The following PPP4R4 variants were observed in gnomAD, a reference collection of about 807,000 sequenced individuals.
PPP4R4 encodes serine/threonine-protein phosphatase 4 regulatory subunit 4.
In PPP4R4, 70 loss-of-function variants were observed where a neutral mutation model predicts 121.8. The ratio of observed to expected loss-of-function variants is 0.57; its 90% confidence interval spans 0.47 to 0.70. The LOEUF (loss-of-function observed/expected upper bound fraction) is 0.70. Among genes scored for constraint, PPP4R4 ranks in the 30% least tolerant of loss-of-function variants. PPP4R4 has a pLI of 0.00. For synonymous variants in PPP4R4, 348 were observed against 355.7 expected (o/e 0.98, Z 0.24); for missense variants, 875 against 1,033.6 (o/e 0.85, Z 2.10).
chr14:94,188,709 T>C (rs779329997), intron 2 of PPP4R4, among the ~76,000 whole-genome samples: 3 of 152,160 alleles, frequency 2.0e-5, no homozygotes, highest in Non-Finnish European at 2.9e-5. Flanking sequence ...TGAAATTTGC[T>C]AAGAGAGTAG....
intron 2 of PPP4R4, among the ~76,000 whole-genome samples, chr14:94,186,480 A>G (rs985183527): frequency 2.6e-5 from 4 of 152,190 alleles, no homozygotes; most frequent in Non-Finnish European, 5.9e-5. Flanking sequence ...TGGGTATAAC[A>G]CATCTTGTTT....
chr14:94,230,131 A>G (rs1361613282), intron 3 of PPP4R4, among the ~76,000 whole-genome samples: 2 of 152,298 alleles, frequency 1.3e-5, no homozygotes, highest in East Asian at 3.9e-4. Context: ...CATACTCTTA[A>G]GTGTATTCTT....
chr14:94,271,404 A>T (rs1329831575), intron 23 of PPP4R4, among the ~76,000 whole-genome samples: 2 of 152,224 alleles, frequency 1.3e-5, no homozygotes, highest in Non-Finnish European at 2.9e-5. Context: ...CAGGCCAAGG[A>T]AGAAAAATCA....
At position 94,256,589 on chromosome 14, in the gene PPP4R4, GGC is replaced by G; in HGVS notation, c.1996_1997del (p.Ala666TyrfsTer25). 1 of 1,605,328 alleles carries G rather than the reference GGC, an allele frequency of 6.2e-7. No individual in the cohort carries two copies. Among genetic ancestry groups the G allele is most frequent in the Non-Finnish European group, 8.5e-7 (1 of 1,174,610 alleles). Reference sequence around the variant, plus strand: ...GTCAAGAAAAAGATAAAGATGTTCTGGCTATTGTAAAAAGAGTAAGTATCACT... The same window carrying G: ...GTCAAGAAAAAGATAAAGATGTTCTGTATTGTAAAAAGAGTAAGTATCACT... ...LCQEKDKDVLAIVKRTVLELD... is the reference protein window; with the variant it reads ...LCQEKDKDVLXIVKRTVLELD... On this transcript the variant is annotated frameshift_variant, in exon 17 of 25. Coordinates refer to ENST00000304338, the MANE Select transcript of PPP4R4 (RefSeq NM_058237.2). LOFTEE classifies it high-confidence loss of function.
rs1016374564 is a variant in PPP4R4, at chr14:94,266,712, C to T, written c.2379-247C>T. Among the ~76,000 whole-genome samples the T allele has an allele frequency of 3.1e-4, 47 of 151,966 alleles. 1 individual carries two copies. Among genetic ancestry groups the T allele is most frequent in the Admixed American group, 3.0e-3 (46 of 15,262 alleles). On this transcript the variant is annotated intron_variant, in intron 22 of 24. Coordinates refer to ENST00000304338, the MANE Select transcript of PPP4R4 (RefSeq NM_058237.2). ...AAGAAAATTTTACCCATTTTAGCTG[C>T]CTTGCTTGAACCTCAAAAGAAAAAC...
At chr14:94,255,828 A>G (rs570443736) in intron 16 of PPP4R4, among the ~76,000 whole-genome samples, 2 of 152,254 alleles carry the variant, frequency 1.3e-5, no homozygotes, top group South Asian at 4.1e-4. Context: ...AAAACCTACC[A>G]ATGGCTTCTT....
intron 16 of PPP4R4, among the ~76,000 whole-genome samples, chr14:94,253,067 C>T (rs1893274964): frequency 6.6e-6 from 1 of 152,162 alleles, no homozygotes; most frequent in Non-Finnish European, 1.5e-5. Flanking sequence ...TGAGAAAATA[C>T]AGAAAGCACA....
chr14:94,218,693 A>ACG (rs1190953999), intron 3 of PPP4R4, among the ~76,000 whole-genome samples: 5 of 76,504 alleles, frequency 6.5e-5, no homozygotes, highest in Non-Finnish European at 1.0e-4. Flanking sequence ...TAGACACTGC[A>ACG]CGCGCGCGCG....
intron 19 of PPP4R4, among the ~76,000 whole-genome samples, chr14:94,262,566 C>T (rs1053599282): frequency 1.3e-5 from 2 of 151,998 alleles, no homozygotes; most frequent in Non-Finnish European, 2.9e-5. Context: ...ACCCATTCTT[C>T]ATGTTACAGT....
intron 8 of PPP4R4, among the ~76,000 whole-genome samples, chr14:94,239,470 A>G (rs1244755142): frequency 9.3e-5 from 14 of 151,006 alleles, no homozygotes; most frequent in Admixed American, 6.6e-4. Context: ...TGTCCTTGCA[A>G]TAGTTTGCTG....
At position 94,230,752 on chromosome 14, in the gene PPP4R4, C is replaced by CT; in HGVS notation, c.442+20dup. ...GGACACAGGTCAGGGGCCTGGCATGCTTAATTATATACTTGTTTATTGTTT... is the reference window on the plus strand; with the variant it reads ...GGACACAGGTCAGGGGCCTGGCATGCTTTAATTATATACTTGTTTATTGTTT... On this transcript the variant is annotated intron_variant, in intron 4 of 24. Transcript: ENST00000304338. 6.3e-7 allele frequency: 1 copy of CT among 1,595,734 alleles called. No individual in the cohort carries two copies. The highest frequency in any genetic ancestry group is 8.6e-7 in the Non-Finnish European group (1 of 1,169,542).
At chr14:94,187,637 T>C (rs1889362180) in intron 2 of PPP4R4, among the ~76,000 whole-genome samples, 3 of 152,148 alleles carry the variant, frequency 2.0e-5, no homozygotes, top group Non-Finnish European at 2.9e-5. Context: ...TTCACTTTTT[T>C]TTTTTTCTGT....
chr14:94,189,128 C>A (rs1889456939), intron 2 of PPP4R4, among the ~76,000 whole-genome samples: 1 of 151,948 alleles, frequency 6.6e-6, no homozygotes, highest in African/African-American at 2.4e-5. Context: ...ATTTAGGAAC[C>A]CATGAGAGAG....
chr14:94,227,521 A>T, intron 3 of PPP4R4: 1 of 1,332,536 alleles, frequency 7.5e-7, no homozygotes, highest in South Asian at 2.2e-5. Context: ...GCACAACAAG[A>T]GAAAAACCCA....
chr14:94,265,945 A>G lies in PPP4R4; in HGVS notation c.2378+58A>G. On this transcript the variant is annotated intron_variant, in intron 22 of 24. Coordinates refer to ENST00000304338, the MANE Select transcript of PPP4R4 (RefSeq NM_058237.2). The stretch of plus-strand genomic sequence containing the variant: ...AATTTTTATCTTTATTCACATCTTC[A>G]TATATATGAGTTTACATTTTATAAA... The G allele has an allele frequency of 2.6e-6, 3 of 1,142,494 alleles. No homozygotes were observed. In the South Asian group the frequency reaches 4.6e-5, roughly 18 times the overall value. The allele number at this position is 1,142,494 out of a possible 1,614,324, so 70.8% of individuals were successfully genotyped here.
intron 5 of PPP4R4, among the ~76,000 whole-genome samples, chr14:94,231,992 A>G (rs1454270163): frequency 6.7e-6 from 1 of 149,520 alleles, no homozygotes; most frequent in African/African-American, 2.4e-5. Flanking sequence ...GTTTCTCTTT[A>G]TTCCTTTGCA....
intron 8 of PPP4R4, among the ~76,000 whole-genome samples, chr14:94,239,477 G>A (rs1289212861): frequency 5.3e-5 from 8 of 151,436 alleles, no homozygotes; most frequent in African/African-American, 1.5e-4. Context: ...GCAATAGTTT[G>A]CTGAGAATGA....
chr14:94,243,979 T>TC (rs1167624348), intron 11 of PPP4R4, among the ~76,000 whole-genome samples: 4 of 151,920 alleles, frequency 2.6e-5, no homozygotes, highest in Non-Finnish European at 5.9e-5. Flanking sequence ...GGGACCATTT[T>TC]TTTTTTCAAA....
intron 3 of PPP4R4, among the ~76,000 whole-genome samples, chr14:94,225,748 G>T (rs1313098863): frequency 2.0e-5 from 3 of 152,134 alleles, no homozygotes; most frequent in Non-Finnish European, 4.4e-5. Flanking sequence ...GTATGATGCT[G>T]GGACTTGAAT....
Sources: gnomAD v4.1 joint callset for allele counts (sites outside exome capture counted in the v4.1 genomes callset) on GRCh38, gnomAD v4.1.1 for gene constraint, MANE v1.5 for transcripts, NCBI Gene and HGNC (gene_info 2026-07-23, HGNC 2026-07-21) for gene names.